Variants in FHOD3 observed in about 807,000 individuals in gnomAD.
The protein encoded by FHOD3 is formin homology 2 domain containing 3, also known as FH1/FH2 domain-containing protein 3.
In FHOD3, 90 loss-of-function variants were observed where a neutral mutation model predicts 173.0. The observed-to-expected ratio is 0.52, with a 90% CI of 0.44 to 0.62. The LOEUF (loss-of-function observed/expected upper bound fraction) is 0.62, where lower values mean the gene tolerates loss of function less well. Among genes scored for constraint, FHOD3 ranks in the 20% least tolerant of loss-of-function variants. The pLI is 0.00. For missense variants in FHOD3, 1,945 were observed against 2,034.7 expected (o/e 0.96, Z 0.85); for synonymous variants, 828 against 823.0 (o/e 1.01, Z -0.10).
chr18:36,591,557 T>C (rs143330717), intron 6 of FHOD3, among the ~76,000 whole-genome samples: 1 of 152,244 alleles, frequency 6.6e-6, no homozygotes, highest in African/African-American at 2.4e-5. Context: ...CTTACATTCT[T>C]AGAGGCAACA....
At chr18:36,307,110 T>C (rs2144577510) in intron 1 of FHOD3, among the ~76,000 whole-genome samples, 1 of 152,234 alleles carries the variant, frequency 6.6e-6, no homozygotes, top group African/African-American at 2.4e-5. Context: ...ATTACAGGCA[T>C]GCGCCACCAT....
rs374440269 is a variant in FHOD3 at position 36,501,956 on chromosome 18, G to A, written c.362G>A (p.Arg121Gln). The change falls in exon 4 of 29, where the codon CGA becomes CAA. Residue 121 changes from arginine (R) to glutamine (Q), a missense_variant. Arg to Gln is a conservative substitution (Grantham distance 43, BLOSUM62 1). Around this residue, in one of 5 missense-constraint regions of FHOD3, gnomAD observed 245 missense variants for 267.7 expected, o/e 0.92. Transcript: ENST00000590592. ...GAAAAACTATACAACTCCAGCGGAC[G>A]AGATTTGAGAAGGGCCCTCTTCTCC... ...CIEKLYNSSG[R>Q]DLRRALFSLK... is the part of the protein sequence containing the mutation. 23 of 1,605,652 alleles carry A rather than the reference G, an allele frequency of 1.4e-5. No individual in the cohort carries two copies. The highest frequency in any genetic ancestry group is 6.7e-5 in the Admixed American group (4 of 59,478).
At position 36,610,200 on chromosome 18, in the gene FHOD3, C is replaced by G. The variant is rs75347565; in HGVS notation, c.814-1752C>G. Among the ~76,000 whole-genome samples, 589 of 152,330 alleles carry G rather than the reference C, an allele frequency of 3.9e-3. 26 individuals are homozygous for G. In the East Asian group the frequency reaches 0.099, roughly 26 times the overall value. On this transcript the variant is annotated intron_variant, in intron 8 of 28. Transcript: ENST00000590592. The stretch of plus-strand genomic sequence containing the variant: ...GCTAGATGTCCCTTCACCTGCATTC[C>G]TCAGGCTGTGCATTTTGCAGAGTCA...
At chr18:36,544,233 T>C (rs1442127607) in intron 5 of FHOD3, among the ~76,000 whole-genome samples, 1 of 152,212 alleles carries the variant, frequency 6.6e-6, no homozygotes, top group Non-Finnish European at 1.5e-5. Flanking sequence ...GCAGAGTTAG[T>C]GCCGGGAGCT....
intron 1 of FHOD3, among the ~76,000 whole-genome samples, chr18:36,325,463 G>A (rs80180251): frequency 1.2e-3 from 180 of 152,360 alleles, no homozygotes; most frequent in African/African-American, 4.2e-3. Flanking sequence ...AGGTTATACA[G>A]TGGCAGGTTT....
rs1246863575 is a variant in FHOD3, at chr18:36,755,177, A to G, written c.4291A>G (p.Ile1431Val). The G allele has an allele frequency of 6.2e-7, 1 of 1,612,272 alleles. No homozygotes were observed. Among genetic ancestry groups the G allele is most frequent in the African/African-American group, 1.3e-5 (1 of 74,744 alleles). The part of the protein sequence containing the change: ...HPPYAIREVN[I>V]NKFCRIISEF... ...ACCTTATGCAATTCGGGAAGTGAAC[A>G]TAAACAAATTCTGCAGGATTATTAG... Residue 1431 changes from isoleucine (I) to valine (V), a missense_variant, in exon 25 of 29, where the codon ATA becomes GTA. Transcript: ENST00000590592.
At chr18:36,420,648 T>C (rs1393273093) in intron 3 of FHOD3, among the ~76,000 whole-genome samples, 4 of 152,182 alleles carry the variant, frequency 2.6e-5, no homozygotes, top group Non-Finnish European at 5.9e-5. Context: ...ACTCCCTTAT[T>C]ATAGGATTTT....
intron 2 of FHOD3, among the ~76,000 whole-genome samples, chr18:36,361,486 T>C (rs1487693942): frequency 6.6e-6 from 1 of 151,928 alleles, no homozygotes; most frequent in East Asian, 1.9e-4. Context: ...AGGAGTTCGC[T>C]ACCAGCCTGG....
chr18:36,551,825 C>A (rs1384530236), intron 5 of FHOD3, among the ~76,000 whole-genome samples: 1 of 152,148 alleles, frequency 6.6e-6, no homozygotes, highest in Non-Finnish European at 1.5e-5. Flanking sequence ...GGTATTATTT[C>A]TGAGGGCTCT....
chr18:36,721,348 C>A (rs2040777921), intron 19 of FHOD3, among the ~76,000 whole-genome samples: 1 of 152,140 alleles, frequency 6.6e-6, no homozygotes, highest in African/African-American at 2.4e-5. Flanking sequence ...TAAAACACGT[C>A]ACTGTGTTTT....
intron 6 of FHOD3, among the ~76,000 whole-genome samples, chr18:36,579,798 C>A (rs1268401816): frequency 6.6e-6 from 1 of 152,002 alleles, no homozygotes; most frequent in Non-Finnish European, 1.5e-5. Context: ...AATTTCTGTT[C>A]TTCATAAATT....
intron 3 of FHOD3, among the ~76,000 whole-genome samples, chr18:36,464,456 C>T (rs533757380): frequency 1.3e-5 from 2 of 152,188 alleles, no homozygotes; most frequent in Non-Finnish European, 2.9e-5. Context: ...TGCCATACAG[C>T]TTGGACTCCA....
intron 27 of FHOD3, among the ~76,000 whole-genome samples, chr18:36,763,039 T>A (rs1487699313): frequency 7.6e-6 from 1 of 131,518 alleles, no homozygotes; most frequent in Non-Finnish European, 1.7e-5. Flanking sequence ...ATATATAATA[T>A]GCGTATTATA....
At chr18:36,495,707 G>A (rs1277319695) in intron 3 of FHOD3, among the ~76,000 whole-genome samples, 1 of 152,168 alleles carries the variant, frequency 6.6e-6, no homozygotes, top group Non-Finnish European at 1.5e-5. Flanking sequence ...CAACTAGGCT[G>A]TGCCAACCAC....
intron 4 of FHOD3, among the ~76,000 whole-genome samples, chr18:36,503,312 AT>A (rs1347488644): frequency 2.6e-4 from 40 of 152,190 alleles, no homozygotes; most frequent in Non-Finnish European, 1.0e-4. Flanking sequence ...TCTAGTTTAC[AT>A]TCTACTTCTT....
At chr18:36,662,177 C>T (rs1305638150) in intron 14 of FHOD3, among the ~76,000 whole-genome samples, 3 of 152,234 alleles carry the variant, frequency 2.0e-5, no homozygotes, top group Non-Finnish European at 4.4e-5. Context: ...CTTCCCTTCC[C>T]TGTAGTGACA....
chr18:36,698,170 G>A (rs1305977008), intron 17 of FHOD3, among the ~76,000 whole-genome samples: 1 of 152,150 alleles, frequency 6.6e-6, no homozygotes, highest in Non-Finnish European at 1.5e-5. Flanking sequence ...TGCCTCACCT[G>A]ACTGCTGCTA....
At chr18:36,357,681 T>G (rs989463071) in intron 2 of FHOD3, among the ~76,000 whole-genome samples, 1 of 152,212 alleles carries the variant, frequency 6.6e-6, no homozygotes, top group African/African-American at 2.4e-5. Flanking sequence ...ATAGTTTTTA[T>G]CAAGTATTTG....
chr18:36,657,608 G>A (rs2036510941), intron 13 of FHOD3, among the ~76,000 whole-genome samples: 1 of 152,310 alleles, frequency 6.6e-6, no homozygotes, highest in South Asian at 2.1e-4. Flanking sequence ...CATTTAATCA[G>A]TGAAATTGAT....
Sources: allele counts gnomAD v4.1 joint callset (sites outside exome capture counted in the v4.1 genomes callset), GRCh38; gene constraint gnomAD v4.1.1; regional missense constraint gnomAD v4.1.1; transcripts MANE v1.5; gene names NCBI Gene and HGNC (gene_info 2026-07-23, HGNC 2026-07-21).